Variants in RBFOX1 observed in about 807,000 individuals in gnomAD.
RBFOX1 encodes RNA binding protein fox-1 homolog 1.
Under a neutral mutation model 57.7 loss-of-function variants are expected in RBFOX1, and 8 were observed. That is an observed-to-expected ratio of 0.14 (90% CI 0.08 to 0.25). The LOEUF (loss-of-function observed/expected upper bound fraction) is 0.25, where lower values mean the gene tolerates loss of function less well. RBFOX1 is among the 10% of genes least tolerant of loss of function. The pLI is 1.00. For synonymous variants in RBFOX1, 326 were observed against 222.4 expected, an observed-to-expected ratio of 1.47 and a Z score of -4.15; for missense variants, 611 against 548.5, an observed-to-expected ratio of 1.11 and a Z score of -1.14.
At chr16:6,122,814 G>GTGTGTC (rs796337046) in intron 1 of RBFOX1, among the ~76,000 whole-genome samples, 23 of 151,960 alleles carry the variant, frequency 1.5e-4, no homozygotes, top group African/African-American at 5.6e-4. Context: ...GTGTGTGTGT[G>GTGTGTC]TGTGTGTGTG....
intron 2 of RBFOX1, among the ~76,000 whole-genome samples, chr16:6,493,826 C>G (rs1467197882): frequency 2.6e-5 from 4 of 152,142 alleles, no homozygotes; most frequent in African/African-American, 4.8e-5. Context: ...TTTAAACACG[C>G]CAACTGAATA....
rs5815409 is a variant in RBFOX1, at chr16:7,564,540, C to CAAAAAAAAAAAAAAAAAA, written c.271-15226_271-15209dup. On this transcript the variant is annotated intron_variant, in intron 5 of 15. Coordinates refer to ENST00000550418, the MANE Select transcript of RBFOX1 (RefSeq NM_018723.4). ...TGGCTGACAGAGCAAGACTCCATCT[C>CAAAAAAAAAAAAAAAAAA]AAAAAAAAAAAAAAAAAAAAAAAAA... Among the ~76,000 whole-genome samples the CAAAAAAAAAAAAAAAAAA allele has an allele frequency of 1.6e-4, 13 of 82,516 alleles. 4 individuals carry two copies. The highest frequency in any genetic ancestry group is 1.2e-3 in the African/African-American group (13 of 10,456). 54.1% of individuals were successfully genotyped at this position (82,516 alleles called of 152,430 possible). A position where few individuals can be genotyped will look rare whatever the true frequency, so the allele number is the denominator to read the frequency against.
At chr16:7,210,138 A>C (rs759414645) in intron 4 of RBFOX1, among the ~76,000 whole-genome samples, 1 of 152,196 alleles carries the variant, frequency 6.6e-6, no homozygotes, top group Non-Finnish European at 1.5e-5. Context: ...TGTGTATTCA[A>C]TAAGGGTGAT....
intron 2 of RBFOX1, among the ~76,000 whole-genome samples, chr16:6,348,962 T>C (rs2085828422): frequency 1.3e-5 from 2 of 152,194 alleles, no homozygotes; most frequent in Non-Finnish European, 2.9e-5. Flanking sequence ...TTGCTCATTT[T>C]TGGAAGTCAA....
intron 3 of RBFOX1, among the ~76,000 whole-genome samples, chr16:5,749,146 A>G (rs1455639685): frequency 1.3e-5 from 2 of 152,090 alleles, no homozygotes; most frequent in East Asian, 3.9e-4. Context: ...GTTTTGCTGG[A>G]TATGAAGTTC....
chr16:6,114,735 C>T lies in RBFOX1; in HGVS notation c.-127+94743C>T, dbSNP rs79291064. ...TTAGGATGACTAATGGCTAGTGATG[C>T]AGGACGGGCAAGTCCAAAAGTTGGG... On this transcript the variant is annotated intron_variant, in intron 1 of 15. Coordinates refer to ENST00000550418, the MANE Select transcript of RBFOX1 (RefSeq NM_018723.4). Among the ~76,000 whole-genome samples the T allele has an allele frequency of 5.3e-5, 8 of 152,210 alleles. No individual in the cohort carries two copies. The East Asian group carries it at 1.6e-3, about 29-fold the overall frequency.
At chr16:5,554,552 A>G (rs940210680) in intron 2 of RBFOX1, among the ~76,000 whole-genome samples, 2 of 152,190 alleles carry the variant, frequency 1.3e-5, no homozygotes, top group African/African-American at 4.8e-5. Flanking sequence ...CTTCAATCAG[A>G]TAGTGTATAT....
intron 3 of RBFOX1, among the ~76,000 whole-genome samples, chr16:6,747,773 G>C (rs948618720): frequency 1.3e-5 from 2 of 152,066 alleles, no homozygotes; most frequent in Admixed American, 6.5e-5. Context: ...CCTGGGAGTT[G>C]TCAATCTACA....
chr16:7,076,122 A>C lies in RBFOX1; in HGVS notation c.27+24024A>C, dbSNP rs562137107. 2.0e-3 allele frequency among the ~76,000 whole-genome samples: 302 copies of C among 148,848 alleles called. 1 individual carries two copies. Among genetic ancestry groups the C allele is most frequent in the African/African-American group, 7.2e-3 (290 of 40,224 alleles). Reference sequence around the variant, plus strand: ...CATGGCGCGATCTCGGCTCACTGCAACCTCTGCCTCCCGGGTTCAAGTGAT... The same window carrying C: ...CATGGCGCGATCTCGGCTCACTGCACCCTCTGCCTCCCGGGTTCAAGTGAT... On this transcript the variant is annotated intron_variant, in intron 4 of 15. Coordinates refer to ENST00000550418, the MANE Select transcript of RBFOX1 (RefSeq NM_018723.4).
At chr16:6,663,055 T>C (rs572404356) in intron 3 of RBFOX1, among the ~76,000 whole-genome samples, 35 of 152,132 alleles carry the variant, frequency 2.3e-4, no homozygotes, top group Non-Finnish European at 4.7e-4. Flanking sequence ...AGTTTCAAAC[T>C]CTCCTTGTGT....
At chr16:5,371,035 C>T (rs2065844875) in intron 1 of RBFOX1, among the ~76,000 whole-genome samples, 1 of 152,174 alleles carries the variant, frequency 6.6e-6, no homozygotes, top group Non-Finnish European at 1.5e-5. Context: ...GCAACCTCTG[C>T]CTCCCGGGTT....
chr16:5,896,293 G>C (rs1345434574), intron 4 of RBFOX1, among the ~76,000 whole-genome samples: 1 of 152,102 alleles, frequency 6.6e-6, no homozygotes, highest in African/African-American at 2.4e-5. Context: ...GTTGGAGGTG[G>C]GGCCTCCTGG....
rs71142624 is a variant in RBFOX1 at position 5,485,345 on chromosome 16, CAAAAA to C, written c.258+18110_258+18114del. On this transcript the variant is annotated intron_variant, in intron 2 of 2. Transcript: ENST00000585867. ...TGGGCGACAGAGCCAGACTCCGTGT[CAAAAA>C]AAAAAAAAAAAAAAAAAAGTGAATA... Among the ~76,000 whole-genome samples, 72 of 51,664 alleles carry C rather than the reference CAAAAA, an allele frequency of 1.4e-3. 4 individuals are homozygous for C. The highest frequency in any genetic ancestry group is 4.9e-3 in the African/African-American group (71 of 14,488). 33.9% of individuals were successfully genotyped at this position (51,664 alleles called of 152,430 possible). A position where few individuals can be genotyped will look rare whatever the true frequency, so the allele number is the denominator to read the frequency against.
At chr16:7,255,866 A>G (rs925074497) in intron 4 of RBFOX1, among the ~76,000 whole-genome samples, 3 of 152,208 alleles carry the variant, frequency 2.0e-5, no homozygotes, top group Non-Finnish European at 4.4e-5. Flanking sequence ...GTCACATTTC[A>G]TGTGTTCAAT....
chr16:6,438,023 G>A (rs1018494809), intron 2 of RBFOX1, among the ~76,000 whole-genome samples: 2 of 152,274 alleles, frequency 1.3e-5, no homozygotes, highest in South Asian at 4.2e-4. Context: ...CCAGGAAAGA[G>A]TAGCTGGATT....
intron 2 of RBFOX1, among the ~76,000 whole-genome samples, chr16:6,529,801 C>T (rs1404777244): frequency 6.6e-6 from 1 of 152,004 alleles, no homozygotes; most frequent in Non-Finnish European, 1.5e-5. Context: ...AACTGCATGT[C>T]TTGTTGATAT....
intron 2 of RBFOX1, among the ~76,000 whole-genome samples, chr16:6,616,017 G>A (rs1471735012): frequency 6.6e-6 from 1 of 152,066 alleles, no homozygotes; most frequent in Non-Finnish European, 1.5e-5. Context: ...ATAGACGCAG[G>A]GACACTGCCC....
Position 5,669,956 on chromosome 16 carries a change from G to C in RBFOX1, c.318+70995G>C, listed in dbSNP as rs146749409. Among the ~76,000 whole-genome samples, 522 of 152,298 alleles carry C rather than the reference G, an allele frequency of 3.4e-3. 3 individuals are homozygous for C. The highest frequency in any genetic ancestry group is 0.011 in the African/African-American group (454 of 41,552). ...TCAAAAGCCCATCGAGGGAAGACTA[G>C]ATAAACACATTGTGGTCTATCCATA... On this transcript the variant is annotated intron_variant, in intron 3 of 19. Coordinates refer to the RBFOX1 transcript ENST00000641259.
chr16:5,431,200 A>C (rs2067722612), intron 1 of RBFOX1, among the ~76,000 whole-genome samples: 1 of 152,188 alleles, frequency 6.6e-6, no homozygotes, highest in Non-Finnish European at 1.5e-5. Context: ...TGTCGGAGAT[A>C]ACTCGATTCT....
Sources: allele counts gnomAD v4.1 joint callset (sites outside exome capture counted in the v4.1 genomes callset), GRCh38; gene constraint gnomAD v4.1.1; transcripts MANE v1.5; gene names NCBI Gene and HGNC (gene_info 2026-07-23, HGNC 2026-07-21).